The following GPC5 variants were observed in gnomAD, a reference collection of about 807,000 sequenced individuals.
The protein encoded by GPC5 is glypican-5.
A neutral mutation model predicts 53.9 loss-of-function variants in GPC5; 47 were observed. The observed-to-expected ratio is 0.87, with a 90% CI of 0.69 to 1.11. The LOEUF (loss-of-function observed/expected upper bound fraction) is 1.11, where lower values mean the gene tolerates loss of function less well. GPC5 is among the 50% of genes most tolerant of loss of function. The pLI, the probability that GPC5 is intolerant of heterozygous loss-of-function variation, is 0.00. For synonymous variants in GPC5, 286 were observed against 263.3 expected (o/e 1.09, Z -0.84); for missense variants, 748 against 713.1 (o/e 1.05, Z -0.56).
chr13:91,946,417 T>A (rs191665006), intron 6 of GPC5, among the ~76,000 whole-genome samples: 20 of 152,340 alleles, frequency 1.3e-4, no homozygotes, highest in Non-Finnish European at 7.3e-5. Context: ...GAAAATTTAG[T>A]TTGCTATCTG....
chr13:92,167,552 CTT>C (rs1008969611), intron 7 of GPC5, among the ~76,000 whole-genome samples: 1 of 152,100 alleles, frequency 6.6e-6, no homozygotes, highest in Admixed American at 6.5e-5. Flanking sequence ...TCTGTTTTCT[CTT>C]TTGAGTAAAA....
chr13:92,116,979 G>T (rs1364082340), intron 6 of GPC5, among the ~76,000 whole-genome samples: 2 of 152,026 alleles, frequency 1.3e-5, no homozygotes, highest in East Asian at 1.9e-4. Flanking sequence ...ATTTTTTCTA[G>T]TTTATGGGTT....
At chr13:91,514,396 G>A (rs1363471087) in intron 2 of GPC5, among the ~76,000 whole-genome samples, 2 of 152,088 alleles carry the variant, frequency 1.3e-5, no homozygotes, top group African/African-American at 4.8e-5. Context: ...ATAGGCTAAT[G>A]CTGTTGAACA....
At chr13:91,737,915 T>G (rs997280558) in intron 4 of GPC5, among the ~76,000 whole-genome samples, 1 of 151,366 alleles carries the variant, frequency 6.6e-6, no homozygotes, top group African/African-American at 2.5e-5. Flanking sequence ...GAAAAACGAT[T>G]TTAATTACAT....
chr13:92,298,320 C>T (rs1444679211), intron 7 of GPC5, among the ~76,000 whole-genome samples: 1 of 152,178 alleles, frequency 6.6e-6, no homozygotes, highest in Non-Finnish European at 1.5e-5. Context: ...GATTCATGCC[C>T]TCCCCCAAGT....
At chr13:92,448,462 T>A (rs1877922270) in intron 7 of GPC5, 1 of 152,130 alleles carries the variant, frequency 6.6e-6, no homozygotes, top group African/African-American at 2.4e-5. Flanking sequence ...TGATTTGGTA[T>A]CAGATACATG....
intron 7 of GPC5, among the ~76,000 whole-genome samples, chr13:92,542,251 A>G (rs1487296872): frequency 6.6e-6 from 1 of 151,956 alleles, no homozygotes; most frequent in Admixed American, 6.6e-5. Context: ...TAGTCACTCT[A>G]CAGTGCTATG....
At chr13:91,918,606 C>A (rs768616501) in intron 6 of GPC5, among the ~76,000 whole-genome samples, 5 of 152,158 alleles carry the variant, frequency 3.3e-5, no homozygotes, top group Non-Finnish European at 7.3e-5. Context: ...TGTCTGATTG[C>A]TGCCTCCGTC....
At chr13:92,704,317 AT>A (rs2139256622) in intron 7 of GPC5, among the ~76,000 whole-genome samples, 1 of 152,218 alleles carries the variant, frequency 6.6e-6, no homozygotes, top group South Asian at 2.1e-4. Flanking sequence ...ACCACTGTGA[AT>A]GCTGAAGTTG....
chr13:91,855,811 G>GT (rs1319211018), intron 5 of GPC5, among the ~76,000 whole-genome samples: 1 of 151,388 alleles, frequency 6.6e-6, no homozygotes, highest in Non-Finnish European at 1.5e-5. Context: ...TTTAATTTTA[G>GT]TTTTTTATTA....
intron 7 of GPC5, among the ~76,000 whole-genome samples, chr13:92,525,221 T>A (rs2138975561): frequency 6.6e-6 from 1 of 152,180 alleles, no homozygotes; most frequent in South Asian, 2.1e-4. Context: ...TATTTATGAA[T>A]TTCTGCTGTT....
intron 7 of GPC5, among the ~76,000 whole-genome samples, chr13:92,403,989 C>T (rs1473682044): frequency 1.3e-5 from 2 of 152,014 alleles, no homozygotes; most frequent in East Asian, 3.9e-4. Flanking sequence ...TTGTCAAAAA[C>T]AAATTAGTTA....
intron 7 of GPC5, among the ~76,000 whole-genome samples, chr13:92,300,511 T>C (rs1284701643): frequency 6.6e-6 from 1 of 152,202 alleles, no homozygotes; most frequent in Non-Finnish European, 1.5e-5. Context: ...ACCTAACACA[T>C]GAGTCTGATC....
chr13:91,882,669 G>T (rs1420271348), intron 5 of GPC5, among the ~76,000 whole-genome samples: 20 of 19,714 alleles, frequency 1.0e-3, no homozygotes, highest in South Asian at 1.7e-3. Flanking sequence ...TTGTTTTTTG[G>T]GTTTTTTTTT....
chr13:92,141,989 G>A (rs1001344733), intron 6 of GPC5, among the ~76,000 whole-genome samples: 1 of 152,088 alleles, frequency 6.6e-6, no homozygotes, highest in Non-Finnish European at 1.5e-5. Flanking sequence ...CTGCATGCAA[G>A]CTCCTCACCC....
intron 7 of GPC5, chr13:92,447,226 A>T (rs1179342173): frequency 6.6e-6 from 1 of 152,088 alleles, no homozygotes; most frequent in Non-Finnish European, 1.5e-5. Context: ...TGTCCTGAAG[A>T]GTTTCCCCAA....
chr13:92,335,099 C>G (rs759277390), intron 7 of GPC5, among the ~76,000 whole-genome samples: 1 of 152,172 alleles, frequency 6.6e-6, no homozygotes, highest in Non-Finnish European at 1.5e-5. Context: ...CCACATTTCC[C>G]TTCAGCACTG....
At chr13:91,551,789 G>A (rs541101804) in intron 2 of GPC5, among the ~76,000 whole-genome samples, 46 of 152,158 alleles carry the variant, frequency 3.0e-4, no homozygotes, top group Non-Finnish European at 5.4e-4. Context: ...CACTAGGAGA[G>A]AAAGAGCAAC....
chr13:91,578,692 A>G (rs963359230), intron 2 of GPC5, among the ~76,000 whole-genome samples: 1 of 138,768 alleles, frequency 7.2e-6, no homozygotes, highest in Non-Finnish European at 1.6e-5. Context: ...ATATATATAT[A>G]TTATGCTAAT....
Sources: gnomAD v4.1 joint callset for allele counts (sites outside exome capture counted in the v4.1 genomes callset) on GRCh38, gnomAD v4.1.1 for gene constraint, MANE v1.5 for transcripts, NCBI Gene and HGNC (gene_info 2026-07-23, HGNC 2026-07-21) for gene names.